The following PDE4D variants were observed in gnomAD, a reference collection of about 807,000 sequenced individuals.
The protein encoded by PDE4D is phosphodiesterase 4D, also known as 3',5'-cyclic-AMP phosphodiesterase 4D.
Under a neutral mutation model 87.4 loss-of-function variants are expected in PDE4D, and 24 were observed. The observed-to-expected ratio is 0.27, with a 90% CI of 0.20 to 0.39. PDE4D has a LOEUF of 0.39. Ranked by LOEUF, PDE4D falls within the 10% of genes least tolerant of loss-of-function variation. PDE4D has a pLI of 1.00. For missense variants in PDE4D, 714 were observed against 1,041.0 expected (o/e 0.69, Z 4.32); for synonymous variants, 384 against 383.2 (o/e 1.00, Z -0.02).
chr5:59,019,805 A>G (rs1356807170), intron 6 of PDE4D, among the ~76,000 whole-genome samples: 1 of 152,214 alleles, frequency 6.6e-6, no homozygotes, highest in Non-Finnish European at 1.5e-5. Flanking sequence ...CCTATCATTC[A>G]TTAACACACA....
chr5:59,893,094 G>C (rs963590888), intron 1 of PDE4D, 74 bp downstream of exon 1: 1 of 1,428,884 alleles, frequency 7.0e-7, no homozygotes, highest in Non-Finnish European at 9.4e-7. Flanking sequence ...GTGATAAGCC[G>C]ACTTAGATGG....
At chr5:59,390,697 T>C (rs377451) in intron 1 of PDE4D, among the ~76,000 whole-genome samples, 101,649 of 151,908 alleles carry the variant, frequency 0.67, 34,753 homozygotes, top group African/African-American at 0.79. Context: ...TTGTTGTGAC[T>C]TATGAAGAAC....
chr5:59,719,445 T>C (rs1382728938), intron 1 of PDE4D, among the ~76,000 whole-genome samples: 5 of 152,186 alleles, frequency 3.3e-5, no homozygotes, highest in African/African-American at 1.2e-4. Context: ...GTTTTGAGTA[T>C]TGATTACCTT....
chr5:59,273,337 G>A lies in PDE4D; in HGVS notation c.456-57369C>T, dbSNP rs570078243. ...AATGCTCAAGTAAACATGTGTGTGT[G>A]TATGTATGTGTATACATATATATAC... On this transcript the variant is annotated intron_variant, in intron 1 of 14. Coordinates refer to ENST00000340635, the MANE Select transcript of PDE4D (RefSeq NM_001104631.2). Among the ~76,000 whole-genome samples the A allele has an allele frequency of 3.3e-5, 5 of 151,986 alleles. No individual in the cohort carries two copies. In the South Asian group the frequency reaches 1.0e-3, roughly 32 times the overall value.
rs570292182 is a variant in PDE4D at position 58,973,397 on chromosome 5, A to C, written c.*1267T>G. 1.1e-4 allele frequency: 16 copies of C among 152,024 alleles called. No homozygotes were observed. The highest frequency in any genetic ancestry group is 3.6e-4 in the African/African-American group (15 of 41,552). The allele number at this position is 152,024 out of a possible 1,614,324, so 9.4% of individuals were successfully genotyped here. On this transcript the variant is annotated 3_prime_UTR_variant, in exon 15 of 15. Coordinates refer to ENST00000340635, the MANE Select transcript of PDE4D (RefSeq NM_001104631.2). ...TAAATTATAAAGCAGCACAAGGGGA[A>C]AAACCTTTTTCTTACTATAACTGGC...
At chr5:59,118,914 G>T (rs1405791815) in intron 5 of PDE4D, among the ~76,000 whole-genome samples, 2 of 152,134 alleles carry the variant, frequency 1.3e-5, no homozygotes, top group Non-Finnish European at 2.9e-5. Context: ...AGGAAGAATG[G>T]AGGAAAAAAT....
At chr5:59,200,114 C>G (rs111206689) in intron 2 of PDE4D, among the ~76,000 whole-genome samples, 1 of 143,742 alleles carries the variant, frequency 7.0e-6, no homozygotes, top group Non-Finnish European at 1.5e-5. Context: ...TATGCACACA[C>G]ATACATGCAT....
intron 2 of PDE4D, among the ~76,000 whole-genome samples, chr5:59,208,389 A>C (rs1366421789): frequency 6.6e-6 from 1 of 152,104 alleles, no homozygotes; most frequent in Non-Finnish European, 1.5e-5. Flanking sequence ...TTATCCCTCT[A>C]TCTCTCCTAA....
chr5:59,776,419 C>T (rs141562025), intron 1 of PDE4D, among the ~76,000 whole-genome samples: 79 of 152,198 alleles, frequency 5.2e-4, no homozygotes, highest in African/African-American at 8.7e-4. Context: ...CACTTTCATG[C>T]GGTGTTATTA....
chr5:59,989,418 C>G (rs1762795759), intron 2 of PDE4D, among the ~76,000 whole-genome samples: 1 of 151,940 alleles, frequency 6.6e-6, no homozygotes, highest in Non-Finnish European at 1.5e-5. Context: ...TTATATATAT[C>G]TTTCTTACAT....
chr5:60,156,296 G>C (rs1209299647), intron 2 of PDE4D, among the ~76,000 whole-genome samples: 1 of 152,166 alleles, frequency 6.6e-6, no homozygotes, highest in Non-Finnish European at 1.5e-5. Context: ...TTTTTCACTA[G>C]TCCTAAAGGA....
At chr5:59,412,561 T>A (rs1792878937) in intron 1 of PDE4D, among the ~76,000 whole-genome samples, 1 of 151,984 alleles carries the variant, frequency 6.6e-6, no homozygotes, top group Non-Finnish European at 1.5e-5. Flanking sequence ...GGCAAGCACA[T>A]GAAATTGAAG....
At chr5:58,982,909 C>T (rs1478626764) in intron 11 of PDE4D, among the ~76,000 whole-genome samples, 1 of 152,198 alleles carries the variant, frequency 6.6e-6, no homozygotes, top group Non-Finnish European at 1.5e-5. Flanking sequence ...CTTTGGTGAG[C>T]ATTCCTTTTT....
chr5:60,340,607 TA>T (rs10583972), intron 1 of PDE4D, among the ~76,000 whole-genome samples: 72,758 of 138,178 alleles, frequency 0.53, 20,427 homozygotes, highest in Non-Finnish European at 0.63. Flanking sequence ...TCACATCATT[TA>T]AAAAAAAAAA....
chr5:59,520,714 G>A (rs1191828672), intron 1 of PDE4D, among the ~76,000 whole-genome samples: 1 of 151,862 alleles, frequency 6.6e-6, no homozygotes, highest in Admixed American at 6.6e-5. Flanking sequence ...ATCAGGATTC[G>A]GAAAGGGCTA....
At chr5:59,933,793 A>ATATATATATATATATAT (rs1343398649) in intron 3 of PDE4D, among the ~76,000 whole-genome samples, 386 of 35,434 alleles carry the variant, frequency 0.011, 3 homozygotes, top group African/African-American at 0.059. Context: ...TATATATATT[A>ATATATATATATATATAT]ATAAGCATTC....
chr5:59,337,072 T>G (rs1189688389), intron 1 of PDE4D, among the ~76,000 whole-genome samples: 2 of 152,130 alleles, frequency 1.3e-5, no homozygotes, highest in African/African-American at 2.4e-5. Context: ...AACAAAGGTT[T>G]TGGCTTTGAT....
intron 1 of PDE4D, among the ~76,000 whole-genome samples, chr5:60,473,295 GAAGA>G (rs1267900233): frequency 6.6e-6 from 1 of 152,042 alleles, no homozygotes; most frequent in Non-Finnish European, 1.5e-5. Flanking sequence ...AGGGAGGAAG[GAAGA>G]AAGAAAGGGA....
intron 1 of PDE4D, among the ~76,000 whole-genome samples, chr5:59,591,047 T>C (rs295943): frequency 0.82 from 124,978 of 152,048 alleles, 52,166 homozygotes; most frequent in South Asian, 0.91. Flanking sequence ...AGGGGCAAGG[T>C]ACTTTGTGCT....
Sources: gnomAD v4.1 joint callset for allele counts (sites outside exome capture counted in the v4.1 genomes callset) on GRCh38, gnomAD v4.1.1 for gene constraint, MANE v1.5 for transcripts, NCBI Gene and HGNC (gene_info 2026-07-23, HGNC 2026-07-21) for gene names.